SLC38A10: variants seen among roughly 807,000 people sequenced by gnomAD.
SLC38A10 encodes solute carrier family 38 member 10.
A neutral mutation model predicts 81.0 loss-of-function variants in SLC38A10; 53 were observed. The observed-to-expected ratio is 0.65, with a 90% CI of 0.53 to 0.82. The LOEUF is 0.82. Ranked by LOEUF, SLC38A10 falls within the 40% of genes least tolerant of loss-of-function variation. The probability of loss-of-function intolerance (pLI) is 0.00; values close to 1 mark genes in which losing one functional copy is unlikely to be tolerated. For synonymous variants in SLC38A10, 665 were observed against 655.3 expected (o/e 1.01, Z -0.23); for missense variants, 1,471 against 1,545.0 (o/e 0.95, Z 0.80).
In SLC38A10 at chr17:81,270,511, C is replaced by G. The variant is rs1222930588; in HGVS notation, c.1131+407G>C. 6.6e-6 allele frequency among the ~76,000 whole-genome samples: 1 copy of G among 152,142 alleles called. No homozygotes were observed. Among genetic ancestry groups the G allele is most frequent in the South Asian group, 2.1e-4 (1 of 4,828 alleles). On this transcript the variant is annotated intron_variant, in intron 10 of 15. Coordinates refer to ENST00000374759, the MANE Select transcript of SLC38A10 (RefSeq NM_001037984.3). This position sits in a 1 kb window ranked among gnomAD's most constrained non-coding sequence, Gnocchi z 4.0. Reference sequence around the variant, plus strand: ...AGCTGTGTTACAGTTAAAGAAAAACCCACAAGCACGCACATCTCCGTGGGA... The same window carrying G: ...AGCTGTGTTACAGTTAAAGAAAAACGCACAAGCACGCACATCTCCGTGGGA...
Position 81,271,002 on chromosome 17 carries a change from T to C in SLC38A10, c.1047A>G (p.Thr349=), listed in dbSNP as rs2292184. The C allele has an allele frequency of 0.43, 685,994 of 1,612,094 alleles. 154,005 individuals are homozygous for C. Among genetic ancestry groups the C allele is most frequent in the African/African-American group, 0.75 (56,325 of 74,950 alleles). ...AGATGAGGCTTCCCATGGTCGCTCC[T>C]GTGAGGCCCAGGATGGTCTCCACTA... ...IPNVETILGL[T]GATMGSLICF... Residue 349 remains threonine (T), a synonymous_variant, in exon 10 of 16, where the codon ACA becomes ACG. Transcript: ENST00000374759.
chr17:81,264,311 T>C (rs988828670), intron 10 of SLC38A10: 1 of 152,424 alleles, frequency 6.6e-6, no homozygotes, highest in South Asian at 2.1e-4. Flanking sequence ...GAACTTCCTT[T>C]GAGGACGCGG....
At chr17:81,255,740 A>G (rs1302429573) in intron 11 of SLC38A10, among the ~76,000 whole-genome samples, 1 of 152,220 alleles carries the variant, frequency 6.6e-6, no homozygotes, top group East Asian at 1.9e-4. Context: ...TCACTCCGGT[A>G]ATCCCAGCAC....
Position 81,270,345 on chromosome 17 carries a change from G to A in SLC38A10, c.1131+573C>T, listed in dbSNP as rs2063103786. ...TTCTGTCTGCAATAGCAAGACTGGA[G>A]AGGTGAGTCCTTCGGAGACTGGGAT... On this transcript the variant is annotated intron_variant, in intron 10 of 15. Transcript: ENST00000374759. This position sits in a 1 kb window ranked among gnomAD's most constrained non-coding sequence, Gnocchi z 4.0. 6.6e-6 allele frequency among the ~76,000 whole-genome samples: 1 copy of A among 152,236 alleles called. No individual in the cohort carries two copies. The highest frequency in any genetic ancestry group is 1.5e-5 in the Non-Finnish European group (1 of 68,044).
chr17:81,284,853 G>C lies in SLC38A10; in HGVS notation c.260C>G (p.Thr87Ser), dbSNP rs1363555375. 4 of 1,542,994 alleles carry C rather than the reference G, an allele frequency of 2.6e-6. No homozygotes were observed. Among genetic ancestry groups the C allele is most frequent in the Non-Finnish European group, 3.5e-6 (4 of 1,142,890 alleles). Residue 87 changes from threonine (T) to serine (S), a missense_variant, in exon 3 of 16, where the codon ACC becomes AGC. Physicochemically the swap from Thr to Ser is moderately conservative, Grantham distance 58. Around this residue, in one of 2 missense-constraint regions of SLC38A10, gnomAD observed 720 missense variants for 827.7 expected, o/e 0.87. Coordinates refer to ENST00000374759, the MANE Select transcript of SLC38A10 (RefSeq NM_001037984.3). Reference sequence around the variant, plus strand: ...GCAGCGGCAGGGCGGGGCTTACCTGGTCTCCACCAGCATCTTGCCTGCCTT... The same window carrying C: ...GCAGCGGCAGGGCGGGGCTTACCTGCTCTCCACCAGCATCTTGCCTGCCTT... ...YGKAGKMLVE[T>S]SMIGLMLGTC...
chr17:81,248,059 G>A (rs982995551), intron 14 of SLC38A10, among the ~76,000 whole-genome samples: 6 of 139,846 alleles, frequency 4.3e-5, no homozygotes, highest in African/African-American at 1.3e-4. Flanking sequence ...CCGGGTTCAC[G>A]CCATTCTTCT....
Position 81,260,691 on chromosome 17 carries a change from C to T in SLC38A10, c.1132-297G>A, listed in dbSNP as rs529044582. On this transcript the variant is annotated intron_variant, in intron 10 of 15. Coordinates refer to ENST00000374759, the MANE Select transcript of SLC38A10 (RefSeq NM_001037984.3). ...CTCCTGGCATCCAGCCTGTGGCTGA[C>T]GTGCCCTCCATGCCAGCTGGGGTCA... Among the ~76,000 whole-genome samples, 17 of 152,356 alleles carry T rather than the reference C, an allele frequency of 1.1e-4. No homozygotes were observed. The East Asian group carries it at 3.1e-3, about 28-fold the overall frequency.
Position 81,256,832 on chromosome 17 carries a change from G to A in SLC38A10, c.1288+3406C>T, listed in dbSNP as rs114287046. On this transcript the variant is annotated intron_variant, in intron 11 of 15. Coordinates refer to ENST00000374759, the MANE Select transcript of SLC38A10 (RefSeq NM_001037984.3). ...AATGACCTCATGGTCTGATCTTTGC[G>A]AATGTGAGGGGGAATCCCAGGCTAT... Among the ~76,000 whole-genome samples the A allele has an allele frequency of 1.1e-3, 167 of 152,328 alleles. 2 individuals carry two copies. Among genetic ancestry groups the A allele is most frequent in the African/African-American group, 3.3e-3 (138 of 41,560 alleles).
rs150738273 is a variant in SLC38A10, at chr17:81,253,105, G to A, written c.1424C>T (p.Pro475Leu). ...AGGGCGATCGAGCTGTGCCTCCTCC[G>A]GTGCCTCCTTGCCATCTTCCCGTCC... The part of the protein sequence containing the change: ...VPGREDGKEA[P>L]EEAQLDRPGQ... The change falls in exon 12 of 16, where the codon CCG becomes CTG. Residue 475 changes from proline to leucine, a missense_variant. Pro to Leu is a moderately conservative substitution (Grantham distance 98). This residue lies in a region of SLC38A10 where 720 missense variants were observed against 827.7 expected (regional missense o/e 0.87). Coordinates refer to ENST00000374759, the MANE Select transcript of SLC38A10 (RefSeq NM_001037984.3). This position sits in a 1 kb window ranked among gnomAD's most constrained non-coding sequence, Gnocchi z 4.1. 95 of 1,613,674 alleles carry A rather than the reference G, an allele frequency of 5.9e-5. 1 individual carries two copies. Among genetic ancestry groups the A allele is most frequent in the African/African-American group, 5.3e-4 (40 of 75,036 alleles).
Position 81,281,228 on chromosome 17 carries a change from C to G in SLC38A10, c.502-495G>C, listed in dbSNP as rs75446968. On this transcript the variant is annotated intron_variant, in intron 5 of 15. Transcript: ENST00000374759. This position sits in a 1 kb window ranked among gnomAD's most constrained non-coding sequence, Gnocchi z 5.3. ...GGAGAGCTGAGGAGCACTGGAGACCCTGGCTTCAATGACCACCTGGCCTCG... is the reference window on the plus strand; with the variant it reads ...GGAGAGCTGAGGAGCACTGGAGACCGTGGCTTCAATGACCACCTGGCCTCG... 1.0e-2 allele frequency among the ~76,000 whole-genome samples: 1,519 copies of G among 152,312 alleles called. 8 individuals are homozygous for G. Among genetic ancestry groups the G allele is most frequent in the Non-Finnish European group, 0.013 (871 of 68,016 alleles).
chr17:81,282,161 C>A (rs767759487), intron 5 of SLC38A10, 28 bp downstream of exon 5: 1 of 1,610,006 alleles, frequency 6.2e-7, no homozygotes, highest in South Asian at 1.1e-5. Flanking sequence ...AGCCTTTCAG[C>A]GGGTACCCAC....
At position 81,282,259 on chromosome 17, in the gene SLC38A10, C is replaced by T. The variant is rs560993178; in HGVS notation, c.431G>A (p.Arg144Gln). The T allele has an allele frequency of 3.3e-5, 54 of 1,613,630 alleles. No homozygotes were observed. Among genetic ancestry groups the T allele is most frequent in the Non-Finnish European group, 4.3e-5 (51 of 1,180,026 alleles). Residue 144 changes from arginine to glutamine, a missense_variant, in exon 5 of 16, where the codon CGG becomes CAG. Physicochemically the swap from Arg to Gln is conservative, Grantham distance 43 (BLOSUM62 1). Coordinates refer to ENST00000374759, the MANE Select transcript of SLC38A10 (RefSeq NM_001037984.3). Reference protein sequence around the residue: ...LCIVLPLSLQRNMMASIQSFS... With the variant: ...LCIVLPLSLQQNMMASIQSFS... ...GGACTGGATGGAGGCCATCATGTTC[C>T]GCTGCAGGCTGAGCGGGAGCACGAT...
chr17:81,272,369 G>T, intron 9 of SLC38A10, 147 bp downstream of exon 9: 1 of 461,166 alleles, frequency 2.2e-6, no homozygotes. Flanking sequence ...TTCTCTGTGG[G>T]CCAGAGAAAA....
At chr17:81,258,586 G>A (rs568336121) in intron 11 of SLC38A10, among the ~76,000 whole-genome samples, 2 of 151,912 alleles carry the variant, frequency 1.3e-5, no homozygotes, top group South Asian at 2.1e-4. Context: ...CCTGCTGGAC[G>A]AGGGCGACAC....
At chr17:81,261,231 C>T in intron 10 of SLC38A10, among the ~76,000 whole-genome samples, 1 of 152,258 alleles carries the variant, frequency 6.6e-6, no homozygotes, top group African/African-American at 2.4e-5. Flanking sequence ...CACCCCGGCT[C>T]CCGCCACCCC....
chr17:81,294,714 C>A, intron 1 of SLC38A10, 109 bp downstream of exon 1: 1 of 1,012,494 alleles, frequency 9.9e-7, no homozygotes, highest in South Asian at 2.2e-5. Context: ...CCGCCTGCAC[C>A]CGCCCAGCGA....
In SLC38A10 at chr17:81,276,786, C is replaced by T. The variant is rs1257225716; in HGVS notation, c.729+245G>A. 6.6e-6 allele frequency among the ~76,000 whole-genome samples: 1 copy of T among 152,240 alleles called. No homozygotes were observed. The highest frequency in any genetic ancestry group is 1.5e-5 in the Non-Finnish European group (1 of 68,034). ...TTCTGGGAGCAGCCCTGGTGCCCAG[C>T]TCCTCAGGTCAGGAGAGCTTCCTGG... On this transcript the variant is annotated intron_variant, in intron 7 of 15. Coordinates refer to ENST00000374759, the MANE Select transcript of SLC38A10 (RefSeq NM_001037984.3). The surrounding 1 kb of genome is among the most constrained non-coding windows in gnomAD (Gnocchi z 4.7).
chr17:81,273,732 G>A (rs1484757597), intron 8 of SLC38A10, among the ~76,000 whole-genome samples: 1 of 152,192 alleles, frequency 6.6e-6, no homozygotes, highest in African/African-American at 2.4e-5. Context: ...ACCCAGAGAA[G>A]GGGAGAGGGG....
At chr17:81,271,929 G>A (rs575937396) in intron 9 of SLC38A10, among the ~76,000 whole-genome samples, 2 of 151,070 alleles carry the variant, frequency 1.3e-5, no homozygotes, top group Non-Finnish European at 3.0e-5. Context: ...GGGTTTCACC[G>A]TGTTAGCCAG....
Sources: allele counts gnomAD v4.1 joint callset (sites outside exome capture counted in the v4.1 genomes callset), GRCh38; gene constraint gnomAD v4.1.1; regional missense constraint gnomAD v4.1.1; non-coding constraint Gnocchi (gnomAD v3.1); transcripts MANE v1.5; gene names NCBI Gene and HGNC (gene_info 2026-07-23, HGNC 2026-07-21).